SPMIP11: variants seen among roughly 807,000 people sequenced by gnomAD.
The protein encoded by SPMIP11 is long intergenic non-protein coding RNA 935.
the SPMIP11 span, among the ~76,000 whole-genome samples, chr12:48,753,599 T>C: frequency 6.6e-6 from 1 of 152,058 alleles, no homozygotes; most frequent in African/African-American, 2.4e-5. Flanking sequence ...GCTGCCTCTT[T>C]GGTGAACTAC....
chr12:48,754,345 T>A, the SPMIP11 span, among the ~76,000 whole-genome samples: 1 of 152,002 alleles, frequency 6.6e-6, no homozygotes, highest in Non-Finnish European at 1.5e-5. Context: ...TGAGATGAGG[T>A]CTCACTCTGT....
chr12:48,733,379 T>C, the SPMIP11 span, among the ~76,000 whole-genome samples: 3 of 152,108 alleles, frequency 2.0e-5, no homozygotes, highest in Middle Eastern at 3.2e-3. Flanking sequence ...CCAGCTCACA[T>C]AGTGAACTTT....
the SPMIP11 span, among the ~76,000 whole-genome samples, chr12:48,744,487 A>G: frequency 6.6e-6 from 1 of 152,176 alleles, no homozygotes; most frequent in East Asian, 1.9e-4. Context: ...TAATCCTGGC[A>G]CTTTGGGAGG....
At chr12:48,744,248 CA>C in the SPMIP11 span, among the ~76,000 whole-genome samples, 55,502 of 98,118 alleles carry the variant, frequency 0.57, 12,672 homozygotes, top group East Asian at 0.74. Flanking sequence ...AGCAACCTCT[CA>C]AAAAAAAAAA....
At chr12:48,734,951 G>A in the SPMIP11 span, among the ~76,000 whole-genome samples, 7 of 145,740 alleles carry the variant, frequency 4.8e-5, no homozygotes, top group African/African-American at 1.8e-4. Flanking sequence ...CTTGCAGTGA[G>A]CCGAGTAGCG....
chr12:48,759,212 A>G, the SPMIP11 span: 134 of 702,946 alleles, frequency 1.9e-4, no homozygotes, highest in African/African-American at 2.0e-3. Context: ...ATTTCAGACC[A>G]GAAGGAACCA....
the SPMIP11 span, chr12:48,771,304 G>GT: frequency 4.1e-6 from 2 of 481,946 alleles, no homozygotes. The surrounding 1 kb of genome is among the most constrained non-coding windows in gnomAD (Gnocchi z 4.3). Context: ...CCAGAACAGT[G>GT]AACAGCCCAT....
chr12:48,741,147 A>C, the SPMIP11 span, among the ~76,000 whole-genome samples: 1 of 145,134 alleles, frequency 6.9e-6, no homozygotes, highest in Non-Finnish European at 1.5e-5. Flanking sequence ...CAACGTATGC[A>C]GTCCAGGTTG....
the SPMIP11 span, among the ~76,000 whole-genome samples, chr12:48,756,771 C>CTTTCTTTTTTTTTTTTTTTTTTTTTTT: frequency 9.2e-6 from 1 of 108,648 alleles, no homozygotes. Context: ...ATTTTTTTTT[C>CTTTCTTTTTTTTTTTTTTTTTTTTTTT]TTTTTTTCTT....
At chr12:48,761,659 G>A in the SPMIP11 span, among the ~76,000 whole-genome samples, 1 of 145,424 alleles carries the variant, frequency 6.9e-6, no homozygotes, top group Non-Finnish European at 1.5e-5. Flanking sequence ...GATGTAAGCT[G>A]ATAAAAAATA....
At chr12:48,759,210 C>T in the SPMIP11 span, 1 of 702,846 alleles carries the variant, frequency 1.4e-6, no homozygotes, top group Non-Finnish European at 2.6e-6. Flanking sequence ...TAATTTCAGA[C>T]CAGAAGGAAC....
the SPMIP11 span, among the ~76,000 whole-genome samples, chr12:48,761,473 A>G: frequency 6.6e-6 from 1 of 150,658 alleles, no homozygotes; most frequent in Non-Finnish European, 1.5e-5. Context: ...ATCGCAGGGC[A>G]TGGTGGTGCT....
At chr12:48,763,672 G>A in the SPMIP11 span, among the ~76,000 whole-genome samples, 21 of 149,042 alleles carry the variant, frequency 1.4e-4, no homozygotes, top group African/African-American at 4.4e-4. Flanking sequence ...CAAATAAATA[G>A]TAAAAGTACT....
chr12:48,746,360 CTTTTTTTTTT>C, the SPMIP11 span, among the ~76,000 whole-genome samples: 11 of 101,196 alleles, frequency 1.1e-4, no homozygotes, highest in Non-Finnish European at 2.0e-4. Flanking sequence ...ACTATAATTC[CTTTTTTTTTT>C]TTTTTTTTTT....
chr12:48,770,629 T>C, the SPMIP11 span: 1 of 806,046 alleles, frequency 1.2e-6, no homozygotes, highest in East Asian at 2.5e-5. Context: ...AATATCAGAC[T>C]TGATATAGGA....
the SPMIP11 span, chr12:48,764,963 A>C: frequency 2.8e-6 from 2 of 702,838 alleles, no homozygotes; most frequent in Non-Finnish European, 5.2e-6. Flanking sequence ...TCCGGAGCCC[A>C]CGCCATTGTC....
the SPMIP11 span, among the ~76,000 whole-genome samples, chr12:48,746,486 C>T: frequency 6.6e-6 from 1 of 151,514 alleles, no homozygotes; most frequent in Admixed American, 6.6e-5. Flanking sequence ...TCTGCCTCAG[C>T]CTCCTAAGTA....
the SPMIP11 span, among the ~76,000 whole-genome samples, chr12:48,728,806 T>C: frequency 2.7e-3 from 411 of 150,394 alleles, 1 homozygote; most frequent in Non-Finnish European, 4.7e-3. Context: ...AGTTCGTGGG[T>C]ACACATAAAG....
At chr12:48,740,194 T>C in the SPMIP11 span, among the ~76,000 whole-genome samples, 2 of 152,200 alleles carry the variant, frequency 1.3e-5, no homozygotes, top group Non-Finnish European at 2.9e-5. Flanking sequence ...TTCAAAATTA[T>C]AGAAAATGTG....
Sources: gnomAD v4.1 joint callset for allele counts (sites outside exome capture counted in the v4.1 genomes callset) on GRCh38, gnomAD v4.1.1 for gene constraint, Gnocchi (gnomAD v3.1) non-coding constraint, MANE v1.5 for transcripts, NCBI Gene and HGNC (gene_info 2026-07-23, HGNC 2026-07-21) for gene names.